SRBD1: variants seen among roughly 807,000 people sequenced by gnomAD.
SRBD1 encodes S1 RNA-binding domain-containing protein 1.
In SRBD1, 88 loss-of-function variants were observed where a neutral mutation model predicts 115.3. The observed-to-expected ratio is 0.76, with a 90% CI of 0.64 to 0.91. The LOEUF is 0.91. SRBD1 is among the 40% of genes least tolerant of loss of function. SRBD1 has a pLI of 0.00. For synonymous variants in SRBD1, 509 were observed against 407.7 expected, an observed-to-expected ratio of 1.25 and a Z score of -2.99; for missense variants, 1,385 against 1,177.4, an observed-to-expected ratio of 1.18 and a Z score of -2.58.
chr2:45,465,480 A>G (rs1572670880), intron 16 of SRBD1, among the ~76,000 whole-genome samples: 1 of 152,196 alleles, frequency 6.6e-6, no homozygotes, highest in East Asian at 1.9e-4. Context: ...GAAATGATCC[A>G]GACTGCAAGA....
chr2:45,606,380 G>T (rs573060036), intron 1 of SRBD1, among the ~76,000 whole-genome samples: 1 of 152,098 alleles, frequency 6.6e-6, no homozygotes, highest in Non-Finnish European at 1.5e-5. Context: ...GGCTGGTCTT[G>T]AACTCCCGAC....
chr2:45,518,854 G>A (rs970655336), intron 14 of SRBD1, among the ~76,000 whole-genome samples: 1 of 151,378 alleles, frequency 6.6e-6, no homozygotes, highest in Non-Finnish European at 1.5e-5. Context: ...GCCAAAACAT[G>A]TACTGTTTTG....
chr2:45,487,127 C>T (rs572084484), intron 15 of SRBD1, among the ~76,000 whole-genome samples: 26 of 152,204 alleles, frequency 1.7e-4, no homozygotes, highest in African/African-American at 6.3e-4. Context: ...GACGTAAGAA[C>T]GCTTTTAGCT....
At chr2:45,504,598 A>C (rs1670741520) in intron 14 of SRBD1, among the ~76,000 whole-genome samples, 1 of 152,220 alleles carries the variant, frequency 6.6e-6, no homozygotes, top group Admixed American at 6.5e-5. Flanking sequence ...ATAGTTTTTT[A>C]AGCCTTCCTT....
rs865875771 is a variant in SRBD1 at position 45,392,973 on chromosome 2, G to C, written c.2670C>G (p.Ser890Arg). Reference sequence around the variant, plus strand: ...TTCGAAAGTCAAAGCTTTCAGGCTGGCTGAGACCATCTATGATGACCTGTA... The same window carrying C: ...TTCGAAAGTCAAAGCTTTCAGGCTGCCTGAGACCATCTATGATGACCTGTA... ...HTLQVIIDGL[S>R]QPESFDFRTD... Residue 890 changes from serine (S) to arginine (R), a missense_variant, in exon 20 of 21, where the codon AGC becomes AGG. Transcript: ENST00000263736. 2.7e-5 allele frequency: 44 copies of C among 1,611,652 alleles called. No individual in the cohort carries two copies. The highest frequency in any genetic ancestry group is 3.6e-5 in the Non-Finnish European group (43 of 1,178,538).
chr2:45,529,187 T>C (rs945373579), intron 14 of SRBD1, among the ~76,000 whole-genome samples: 2 of 151,938 alleles, frequency 1.3e-5, no homozygotes, highest in African/African-American at 4.8e-5. Context: ...AAAAGGATTC[T>C]GTGCATGCAC....
At chr2:45,482,525 G>A (rs796319701) in intron 15 of SRBD1, among the ~76,000 whole-genome samples, 27 of 151,894 alleles carry the variant, frequency 1.8e-4, no homozygotes, top group African/African-American at 6.5e-4. Context: ...ATAAATTACA[G>A]AGATTTTACG....
intron 14 of SRBD1, among the ~76,000 whole-genome samples, chr2:45,541,900 A>G (rs1671952998): frequency 1.3e-5 from 2 of 152,238 alleles, no homozygotes; most frequent in South Asian, 4.1e-4. Flanking sequence ...AGCCATGGGC[A>G]TGTCTGGAAA....
At chr2:45,462,663 T>C (rs1178969944) in intron 16 of SRBD1, among the ~76,000 whole-genome samples, 1 of 142,094 alleles carries the variant, frequency 7.0e-6, no homozygotes, top group Non-Finnish European at 1.5e-5. Flanking sequence ...AAAAAAAAAA[T>C]ACAAAAAAAA....
At chr2:45,545,023 G>A (rs992330798) in intron 14 of SRBD1, among the ~76,000 whole-genome samples, 4 of 152,030 alleles carry the variant, frequency 2.6e-5, no homozygotes, top group African/African-American at 7.3e-5. Context: ...GCTCATGCCT[G>A]TAATCGCAGC....
intron 16 of SRBD1, among the ~76,000 whole-genome samples, chr2:45,459,316 T>G (rs1474876638): frequency 6.6e-6 from 1 of 152,204 alleles, no homozygotes; most frequent in Non-Finnish European, 1.5e-5. Context: ...TTACTATTTA[T>G]AAGAGGCAGG....
At chr2:45,459,718 T>C (rs558352472) in intron 16 of SRBD1, among the ~76,000 whole-genome samples, 18 of 152,090 alleles carry the variant, frequency 1.2e-4, no homozygotes, top group Non-Finnish European at 1.9e-4. Flanking sequence ...TCAGAAAACA[T>C]ATCGGTATCC....
chr2:45,504,799 G>C (rs73927513), intron 14 of SRBD1, among the ~76,000 whole-genome samples: 1,841 of 152,132 alleles, frequency 0.012, 28 homozygotes, highest in African/African-American at 0.034. Flanking sequence ...CTTACGCCTG[G>C]CCCTTTTAGA....
chr2:45,465,876 T>G lies in SRBD1; in HGVS notation c.2049+11117A>C, dbSNP rs562677498. Among the ~76,000 whole-genome samples the G allele has an allele frequency of 2.6e-5, 4 of 152,322 alleles. No homozygotes were observed. The South Asian group carries it at 8.3e-4, about 32-fold the overall frequency. ...AAAATTAAACACAAAAGACACATTTTCAGTTCTGATCCCACTTCAACAAAA... is the reference window on the plus strand; with the variant it reads ...AAAATTAAACACAAAAGACACATTTGCAGTTCTGATCCCACTTCAACAAAA... On this transcript the variant is annotated intron_variant, in intron 16 of 20. Transcript: ENST00000263736.
chr2:45,478,286 C>T (rs1218415859), intron 15 of SRBD1, among the ~76,000 whole-genome samples: 1 of 152,178 alleles, frequency 6.6e-6, no homozygotes, highest in Non-Finnish European at 1.5e-5. Context: ...AAACAAAAGT[C>T]ATCTCTTGCA....
intron 19 of SRBD1, among the ~76,000 whole-genome samples, chr2:45,394,866 C>T (rs992667756): frequency 1.3e-5 from 2 of 152,070 alleles, no homozygotes; most frequent in Admixed American, 1.3e-4. Flanking sequence ...GTTTGGTCTC[C>T]CTCTTTGAAA....
chr2:45,512,721 T>G (rs1671006120), intron 14 of SRBD1, among the ~76,000 whole-genome samples: 1 of 152,160 alleles, frequency 6.6e-6, no homozygotes, highest in Non-Finnish European at 1.5e-5. Flanking sequence ...CAAAGTTAAA[T>G]TTTTACATTG....
chr2:45,428,823 G>C (rs974051811), intron 16 of SRBD1, among the ~76,000 whole-genome samples: 5 of 152,036 alleles, frequency 3.3e-5, no homozygotes, highest in East Asian at 1.9e-4. Context: ...GATCAGACCA[G>C]AACTGAAGGA....
At chr2:45,542,937 C>T (rs1671993188) in intron 14 of SRBD1, among the ~76,000 whole-genome samples, 1 of 152,046 alleles carries the variant, frequency 6.6e-6, no homozygotes, top group Non-Finnish European at 1.5e-5. Flanking sequence ...TGAAAGAAGC[C>T]AATAAAAGAT....
Sources: gnomAD v4.1 joint callset for allele counts (sites outside exome capture counted in the v4.1 genomes callset) on GRCh38, gnomAD v4.1.1 for gene constraint, MANE v1.5 for transcripts, NCBI Gene and HGNC (gene_info 2026-07-23, HGNC 2026-07-21) for gene names.